Variants in ARHGEF18 observed in about 807,000 individuals in gnomAD.
ARHGEF18 encodes Rho/Rac guanine nucleotide exchange factor 18.
In ARHGEF18, 93 loss-of-function variants were observed where a neutral mutation model predicts 155.7. That is an observed-to-expected ratio of 0.60 (90% CI 0.50 to 0.71). The LOEUF (loss-of-function observed/expected upper bound fraction) is 0.71, where lower values mean the gene tolerates loss of function less well. Among genes scored for constraint, ARHGEF18 ranks in the 30% least tolerant of loss-of-function variants. The pLI, the probability that ARHGEF18 is intolerant of heterozygous loss-of-function variation, is 0.00. For synonymous variants in ARHGEF18, 742 were observed against 753.1 expected (o/e 0.99, Z 0.24); for missense variants, 1,593 against 1,816.1 (o/e 0.88, Z 2.23).
intron 1 of ARHGEF18, among the ~76,000 whole-genome samples, chr19:7,352,829 G>A (rs1417873202): frequency 2.8e-5 from 1 of 36,332 alleles, no homozygotes; most frequent in Non-Finnish European, 5.7e-5. Flanking sequence ...CGCCGTGCCT[G>A]GCCTTTTTTT....
At chr19:7,385,870 T>TCTCTCC (rs1555704468) in intron 10 of ARHGEF18, among the ~76,000 whole-genome samples, 14 of 29,564 alleles carry the variant, frequency 4.7e-4, no homozygotes, top group African/African-American at 1.9e-3. Context: ...TCTCTCTCTC[T>TCTCTCC]CCCCCCTCCC....
At chr19:7,459,529 CTT>C (rs946860920) in intron 19 of ARHGEF18, among the ~76,000 whole-genome samples, 2 of 152,200 alleles carry the variant, frequency 1.3e-5, no homozygotes, top group African/African-American at 4.8e-5. Context: ...CACTCCCTCT[CTT>C]GATTCCCGGA....
In ARHGEF18 at chr19:7,353,583, T is replaced by A. The variant is rs1381147730; in HGVS notation, c.-111+4342T>A. Among the ~76,000 whole-genome samples, 4 of 130,732 alleles carry A rather than the reference T, an allele frequency of 3.1e-5. 1 individual carries two copies. Among genetic ancestry groups the A allele is most frequent in the African/African-American group, 1.2e-4 (4 of 33,810 alleles). 85.8% of individuals were successfully genotyped at this position (130,732 alleles called of 152,430 possible). ...CCAGCCTCAGCAACAAAAGTGAAAC[T>A]CCATCTCAAAAAAAAAAAAGAAAAA... is the stretch of plus-strand genomic sequence containing the variant. On this transcript the variant is annotated intron_variant, in intron 1 of 28. Transcript: ENST00000668164.
rs1970271046 is a variant in ARHGEF18, at chr19:7,372,987, T to A, written c.191T>A (p.Leu64His). 2 of 1,234,332 alleles carry A rather than the reference T, an allele frequency of 1.6e-6. No homozygotes were observed. The highest frequency in any genetic ancestry group is 3.1e-5 in the African/African-American group (2 of 64,504). 76.5% of individuals were successfully genotyped at this position (1,234,332 alleles called of 1,614,324 possible). The stretch of plus-strand genomic sequence containing the variant: ...GGTGAAGAACCAGGAAGAGATTCTC[T>A]TTTCTCCAGCTTGGCAGGGTCCCAA... ...PTGEEPGRDS[L>H]FSSLAGSQDL... The change falls in exon 3 of 29, where the codon CTT becomes CAT. Residue 64 changes from leucine (L) to histidine (H), a missense_variant. Physicochemically the swap from Leu to His is moderately conservative, Grantham distance 99. Transcript: ENST00000668164.
chr19:7,377,147 T>G (rs2145421535), intron 5 of ARHGEF18, among the ~76,000 whole-genome samples: 1 of 152,124 alleles, frequency 6.6e-6, no homozygotes, highest in African/African-American at 2.4e-5. Flanking sequence ...CTCAGTTCAC[T>G]GCAACCTCCG....
chr19:7,457,353 C>CTTTTTTTT lies in ARHGEF18; in HGVS notation c.2181+970_2181+977dup, dbSNP rs1159186670. 2.7e-3 allele frequency among the ~76,000 whole-genome samples: 164 copies of CTTTTTTTT among 60,238 alleles called. 22 individuals are homozygous for CTTTTTTTT. Among genetic ancestry groups the CTTTTTTTT allele is most frequent in the African/African-American group, 0.012 (148 of 12,344 alleles). The allele number at this position is 60,238 out of a possible 152,430, so 39.5% of individuals were successfully genotyped here. The stretch of plus-strand genomic sequence containing the variant: ...ATCTCATTTTGCCATAATCACCTCT[C>CTTTTTTTT]TTTTTTTTTTTTTTTTTTTTTTTTT... On this transcript the variant is annotated intron_variant, in intron 18 of 28. Transcript: ENST00000668164.
At position 7,395,366 on chromosome 19, in the gene ARHGEF18, T is replaced by G; in HGVS notation, c.967+12163T>G. ...GGGCTGCCTCGGGCCTCCCGCCGGC[T>G]CCTGGGGGACTTCTCCAGGCAGGCG... On this transcript the variant is annotated intron_variant, in intron 10 of 28. Transcript: ENST00000668164. The surrounding 1 kb of genome is among the most constrained non-coding windows in gnomAD (Gnocchi z 5.0). 1.0e-6 allele frequency: 1 copy of G among 958,768 alleles called. No homozygotes were observed. The highest frequency in any genetic ancestry group is 1.2e-6 in the Non-Finnish European group (1 of 805,658). 59.4% of individuals were successfully genotyped at this position (958,768 alleles called of 1,614,324 possible). A position where few individuals can be genotyped will look rare whatever the true frequency, so the allele number is the denominator to read the frequency against.
chr19:7,450,554 T>C, intron 15 of ARHGEF18, among the ~76,000 whole-genome samples: 1 of 129,236 alleles, frequency 7.7e-6, no homozygotes, highest in East Asian at 2.5e-4. Context: ...GCTTTCTGTT[T>C]CCATTTCCGA....
chr19:7,428,351 C>T (rs763302675), intron 10 of ARHGEF18, among the ~76,000 whole-genome samples: 1 of 152,128 alleles, frequency 6.6e-6, no homozygotes, highest in Non-Finnish European at 1.5e-5. Context: ...CTATGGCCTT[C>T]CTTCACCTTC....
In ARHGEF18 at chr19:7,470,249, C is replaced by G. The variant is rs141002616; in HGVS notation, c.4037C>G (p.Pro1346Arg). ...GCTCCCTCGCCACTGCCGGCCACAC[C>G]ACTCAGCGCCAAGGAGGACGCCAGC... Reference protein sequence around the residue: ...PPAPSPLPATPLSAKEDASKE... With the variant: ...PPAPSPLPATRLSAKEDASKE... Residue 1346 changes from proline to arginine, a missense_variant, in exon 29 of 29, where the codon CCA (proline) becomes CGA (arginine). Physicochemically the swap from Pro to Arg is moderately radical, Grantham distance 103 (BLOSUM62 -2). Coordinates refer to ENST00000668164, the MANE Select transcript of ARHGEF18 (RefSeq NM_001367823.1). This position sits in a 1 kb window ranked among gnomAD's most constrained non-coding sequence, Gnocchi z 5.9. The G allele has an allele frequency of 5.0e-6, 8 of 1,599,398 alleles. No homozygotes were observed. In the African/African-American group the frequency reaches 9.5e-5, roughly 19 times the overall value.
intron 10 of ARHGEF18, among the ~76,000 whole-genome samples, chr19:7,431,400 C>T (rs1973952992): frequency 6.7e-6 from 1 of 149,880 alleles, no homozygotes; most frequent in South Asian, 2.1e-4. Context: ...GGCCATAATC[C>T]CAGCTACTCA....
At chr19:7,429,502 C>T (rs1973841808) in intron 10 of ARHGEF18, among the ~76,000 whole-genome samples, 1 of 152,158 alleles carries the variant, frequency 6.6e-6, no homozygotes, top group African/African-American at 2.4e-5. Flanking sequence ...ACTCGGGAGG[C>T]TTAGGCGGGA....
intron 10 of ARHGEF18, among the ~76,000 whole-genome samples, chr19:7,385,990 C>CTCTCTCCCTCTCTCTT (rs1452739407): frequency 7.6e-6 from 1 of 131,682 alleles, no homozygotes; most frequent in African/African-American, 2.9e-5. Context: ...CCCTCTCTCT[C>CTCTCTCCCTCTCTCTT]TCTCTCCCTC....
At chr19:7,423,376 C>T (rs1407594381) in intron 10 of ARHGEF18, among the ~76,000 whole-genome samples, 1 of 152,024 alleles carries the variant, frequency 6.6e-6, no homozygotes, top group Non-Finnish European at 1.5e-5. Context: ...TACTTCTGCA[C>T]AGATGACTAA....
intron 10 of ARHGEF18, among the ~76,000 whole-genome samples, chr19:7,408,021 G>C (rs545719533): frequency 6.8e-6 from 1 of 146,678 alleles, no homozygotes; most frequent in South Asian, 2.2e-4. Context: ...GCTCACGCCT[G>C]TAATCTCAGC....
intron 18 of ARHGEF18, among the ~76,000 whole-genome samples, chr19:7,456,942 GC>G (rs901876354): frequency 4.6e-5 from 7 of 151,912 alleles, no homozygotes; most frequent in Non-Finnish European, 1.0e-4. Flanking sequence ...CACCATGTTG[GC>G]CAGGCTGGTC....
At chr19:7,423,706 CAAAAA>C (rs752705832) in intron 10 of ARHGEF18, among the ~76,000 whole-genome samples, 1 of 103,292 alleles carries the variant, frequency 9.7e-6, no homozygotes, top group Admixed American at 1.1e-4. Flanking sequence ...GACTCTATCT[CAAAAA>C]AAAAAAAAAA....
rs369248000 is a variant in ARHGEF18 at position 7,456,349 on chromosome 19, C to T, written c.2127C>T (p.Thr709=). The change falls in exon 18 of 29, where the codon ACC becomes ACT. Residue 709 remains threonine (T), a synonymous_variant. Coordinates refer to ENST00000668164, the MANE Select transcript of ARHGEF18 (RefSeq NM_001367823.1). ...CAGATATCCTGGCTATCCTGCTGAC[C>T]GACGTACTTTTGCTGCTACAAGAAA... The part of the protein sequence containing the change: ...RLKDILAILL[T]DVLLLLQEKD... 117 of 1,614,000 alleles carry T rather than the reference C, an allele frequency of 7.2e-5. No individual in the cohort carries two copies. Among genetic ancestry groups the T allele is most frequent in the African/African-American group, 1.7e-4 (13 of 74,912 alleles).
rs754570320 is a variant in ARHGEF18, at chr19:7,458,655, C to T, written c.2325C>T (p.Asn775=). 21 of 1,613,852 alleles carry T rather than the reference C, an allele frequency of 1.3e-5. No homozygotes were observed. The highest frequency in any genetic ancestry group is 3.3e-5 in the South Asian group (3 of 91,064). The change falls in exon 19 of 29, where the codon AAC becomes AAT. Residue 775 remains asparagine (N), a synonymous_variant. Coordinates refer to ENST00000668164, the MANE Select transcript of ARHGEF18 (RefSeq NM_001367823.1). ...EIYTSSKEDR[N]AWMAHIQRAV... is the part of the protein sequence containing the mutation. ...ACACGAGCTCCAAAGAGGACAGGAA[C>T]GCCTGGATGGCCCACATCCAAAGGG...
Sources: allele counts gnomAD v4.1 joint callset (sites outside exome capture counted in the v4.1 genomes callset), GRCh38; gene constraint gnomAD v4.1.1; non-coding constraint Gnocchi (gnomAD v3.1); transcripts MANE v1.5; gene names NCBI Gene and HGNC (gene_info 2026-07-23, HGNC 2026-07-21).